ADAM2: variants seen among roughly 807,000 people sequenced by gnomAD.
The protein encoded by ADAM2 is ADAM metallopeptidase domain 2.
A neutral mutation model predicts 99.3 loss-of-function variants in ADAM2; 101 were observed. That is an observed-to-expected ratio of 1.02 (90% confidence interval 0.87 to 1.20). The LOEUF (loss-of-function observed/expected upper bound fraction) is 1.20. Among genes scored for constraint, ADAM2 ranks in the 50% most tolerant of loss-of-function variants. The probability of loss-of-function intolerance (pLI) is 0.00; values close to 1 mark genes in which losing one functional copy is unlikely to be tolerated. For synonymous variants in ADAM2, 323 were observed against 287.6 expected (o/e 1.12, Z -1.25); for missense variants, 948 against 878.7 (o/e 1.08, Z -1.00).
intron 6 of ADAM2, among the ~76,000 whole-genome samples, chr8:39,809,975 GAC>G (rs2129586990): frequency 6.6e-6 from 1 of 152,252 alleles, no homozygotes; most frequent in African/African-American, 2.4e-5. Flanking sequence ...CCAATTAAAA[GAC>G]ACAGACTGGA....
chr8:39,796,759 T>C (rs981506601), intron 7 of ADAM2, among the ~76,000 whole-genome samples: 6 of 152,238 alleles, frequency 3.9e-5, no homozygotes, highest in African/African-American at 1.2e-4. Context: ...TGGTATCTCA[T>C]TGTAGTTTTG....
In ADAM2 at chr8:39,827,107, A is replaced by C. The variant is rs139263116; in HGVS notation, c.189-2210T>G. ...TAGACTTTCTCAAAAGAAGACATAC[A>C]TATGGCCAAGAGGTATATGAAAAAC... On this transcript the variant is annotated intron_variant, in intron 3 of 20. Coordinates refer to ENST00000265708, the MANE Select transcript of ADAM2 (RefSeq NM_001464.5). Among the ~76,000 whole-genome samples the C allele has an allele frequency of 5.2e-3, 794 of 152,280 alleles. 8 individuals carry two copies. Among genetic ancestry groups the C allele is most frequent in the African/African-American group, 0.019 (781 of 41,576 alleles).
intron 6 of ADAM2, among the ~76,000 whole-genome samples, chr8:39,816,221 C>A (rs1051652527): frequency 1.3e-5 from 2 of 152,056 alleles, no homozygotes; most frequent in Non-Finnish European, 2.9e-5. Context: ...CACTTGAACC[C>A]GGGAGGTGGA....
At chr8:39,761,081 G>T in intron 15 of ADAM2, 95 bp downstream of exon 15, 2 of 625,086 alleles carry the variant, frequency 3.2e-6, no homozygotes, top group South Asian at 3.2e-5. Flanking sequence ...TTTATGTTCA[G>T]GGGATATTTT....
At chr8:39,760,328 TA>T (rs945611328) in intron 15 of ADAM2, among the ~76,000 whole-genome samples, 7 of 152,110 alleles carry the variant, frequency 4.6e-5, no homozygotes, top group Non-Finnish European at 7.4e-5. Flanking sequence ...TATTACATAT[TA>T]AAAAAAACTG....
chr8:39,797,596 T>C (rs928051818), intron 7 of ADAM2, among the ~76,000 whole-genome samples: 3 of 152,324 alleles, frequency 2.0e-5, no homozygotes, highest in Admixed American at 2.0e-4. Context: ...ATGTCAATGG[T>C]AGTTTTATGT....
rs1823617946 is a variant in ADAM2 at position 39,749,443 on chromosome 8, T to C, written c.1883A>G (p.Asn628Ser). 1.9e-6 allele frequency: 3 copies of C among 1,611,894 alleles called. No homozygotes were observed. Among genetic ancestry groups the C allele is most frequent in the Non-Finnish European group, 2.5e-6 (3 of 1,178,800 alleles). Reference sequence around the variant, plus strand: ...ACTACAGTGACAGTGCTTTTTGTTATTGCATACCTAAAAGAAGGAGAAATA... The same window carrying C: ...ACTACAGTGACAGTGCTTTTTGTTACTGCATACCTAAAAGAAGGAGAAATA... ...TDKCNDRGVCNNKKHCHCSAS... is the reference protein window; with the variant it reads ...TDKCNDRGVCSNKKHCHCSAS... Residue 628 changes from asparagine (N) to serine (S), a missense_variant, in exon 18 of 21, where the codon AAT (asparagine) becomes AGT (serine). By Grantham distance (46) the Asn-to-Ser change is conservative. Transcript: ENST00000265708.
intron 15 of ADAM2, among the ~76,000 whole-genome samples, chr8:39,759,485 CA>C (rs1428911630): frequency 6.6e-6 from 1 of 152,036 alleles, no homozygotes; most frequent in African/African-American, 2.4e-5. Context: ...TAAAATTACT[CA>C]AAACAATGAA....
intron 15 of ADAM2, among the ~76,000 whole-genome samples, chr8:39,757,187 C>T (rs777378674): frequency 5.3e-5 from 8 of 151,942 alleles, no homozygotes; most frequent in African/African-American, 7.3e-5. Context: ...TCTCATGATG[C>T]GATTTCTCAC....
chr8:39,776,879 G>C, intron 11 of ADAM2, 146 bp downstream of exon 11: 1 of 551,420 alleles, frequency 1.8e-6, no homozygotes, highest in East Asian at 3.1e-5. Context: ...AATATGCATC[G>C]TGGGCATTGG....
intron 7 of ADAM2, among the ~76,000 whole-genome samples, chr8:39,806,066 G>A (rs1261341686): frequency 1.3e-5 from 2 of 152,128 alleles, no homozygotes; most frequent in Non-Finnish European, 2.9e-5. Flanking sequence ...AGTAAGTCCT[G>A]CAGAAAGTAA....
intron 7 of ADAM2, among the ~76,000 whole-genome samples, chr8:39,804,104 C>T (rs1373527077): frequency 2.0e-5 from 3 of 152,188 alleles, no homozygotes; most frequent in Non-Finnish European, 2.9e-5. Flanking sequence ...TGTGGATGTT[C>T]TCTTCTGATT....
At chr8:39,820,481 G>A (rs138119127) in intron 6 of ADAM2, among the ~76,000 whole-genome samples, 6 of 152,234 alleles carry the variant, frequency 3.9e-5, no homozygotes, top group South Asian at 2.1e-4. Flanking sequence ...GAACCCTAAT[G>A]AAGCTGGGGC....
chr8:39,751,879 C>CT (rs768401005), intron 16 of ADAM2, among the ~76,000 whole-genome samples: 5 of 151,898 alleles, frequency 3.3e-5, no homozygotes, highest in Non-Finnish European at 4.4e-5. Context: ...GTTGCCCAGG[C>CT]TGGAGTGCAG....
At chr8:39,823,094 T>C (rs147795535) in intron 4 of ADAM2, among the ~76,000 whole-genome samples, 1 of 151,948 alleles carries the variant, frequency 6.6e-6, no homozygotes, top group African/African-American at 2.4e-5. Flanking sequence ...TGCACATACA[T>C]TTTAGATTGT....
At chr8:39,800,851 C>T (rs917322663) in intron 7 of ADAM2, among the ~76,000 whole-genome samples, 4 of 152,076 alleles carry the variant, frequency 2.6e-5, no homozygotes, top group South Asian at 2.1e-4. Context: ...ACGAAGTTCT[C>T]GTGCTGTGTT....
intron 2 of ADAM2, among the ~76,000 whole-genome samples, chr8:39,835,940 G>A (rs769189198): frequency 6.6e-6 from 1 of 151,716 alleles, no homozygotes; most frequent in African/African-American, 2.4e-5. Context: ...AGCAACTGAC[G>A]GTCAACAATT....
rs553026651 is a variant in ADAM2, at chr8:39,746,510, T to C, written c.2136A>G (p.Gln712=). 2 of 1,596,834 alleles carry C rather than the reference T, an allele frequency of 1.3e-6. No homozygotes were observed. The highest frequency in any genetic ancestry group is 1.2e-5 in the South Asian group (1 of 86,752). The change falls in exon 19 of 21, where the codon CAA becomes CAG. Residue 712 remains glutamine, a synonymous_variant. Coordinates refer to ENST00000265708, the MANE Select transcript of ADAM2 (RefSeq NM_001464.5). ...AGTCCTCAGTTCTCCATTTTTTCCT[T>C]TGGAAATTAACTTTCACCATTATAG... ...LIAIMVKVNF[Q]RKKWRTEDYS... is the part of the protein sequence containing the mutation.
Position 39,746,489 on chromosome 8 carries a change from C to T in ADAM2, c.2157G>A (p.Glu719=). The T allele has an allele frequency of 6.3e-7, 1 of 1,589,682 alleles. No homozygotes were observed. ...VNFQRKKWRT[E]DYSSDEQPES... ...CAATATACTCATCGCTTGAATAGTC[C>T]TCAGTTCTCCATTTTTTCCTTTGGA... is the stretch of plus-strand genomic sequence containing the variant. The change falls in exon 19 of 21, where the codon GAG becomes GAA. Residue 719 remains glutamate (E), a synonymous_variant. Transcript: ENST00000265708.
Sources: allele counts gnomAD v4.1 joint callset (sites outside exome capture counted in the v4.1 genomes callset), GRCh38; gene constraint gnomAD v4.1.1; transcripts MANE v1.5; gene names NCBI Gene and HGNC (gene_info 2026-07-23, HGNC 2026-07-21).